The following TSC22D2 variants were observed in gnomAD, a reference collection of about 807,000 sequenced individuals.
TSC22D2 encodes TSC22 domain family member 2.
A neutral mutation model predicts 50.1 loss-of-function variants in TSC22D2; 5 were observed. The observed-to-expected ratio is 0.10, with a 90% CI of 0.05 to 0.21. The LOEUF (loss-of-function observed/expected upper bound fraction) is 0.21. Among genes scored for constraint, TSC22D2 ranks in the 10% least tolerant of loss-of-function variants. The pLI is 1.00. For missense variants in TSC22D2, 1,003 were observed against 1,015.5 expected, an observed-to-expected ratio of 0.99 and a Z score of 0.17; for synonymous variants, 501 against 450.1, an observed-to-expected ratio of 1.11 and a Z score of -1.43.
At chr3:150,455,315 T>C (rs934581711) in intron 1 of TSC22D2, among the ~76,000 whole-genome samples, 1 of 152,208 alleles carries the variant, frequency 6.6e-6, no homozygotes, top group Non-Finnish European at 1.5e-5. Flanking sequence ...TATAGTTACA[T>C]ATAGTCATAC....
intron 1 of TSC22D2, among the ~76,000 whole-genome samples, chr3:150,432,255 C>T (rs1463236867): frequency 1.3e-5 from 2 of 152,134 alleles, no homozygotes; most frequent in African/African-American, 4.8e-5. Context: ...TGTTTACCAC[C>T]TTCCTCTTTA....
chr3:150,429,851 G>A (rs1374481700), intron 1 of TSC22D2, among the ~76,000 whole-genome samples: 1 of 152,072 alleles, frequency 6.6e-6, no homozygotes, highest in East Asian at 1.9e-4. Flanking sequence ...CATCTTCAGT[G>A]GTCTTAGATC....
At chr3:150,452,064 ATTTT>A (rs1721056986) in intron 1 of TSC22D2, among the ~76,000 whole-genome samples, 1 of 152,000 alleles carries the variant, frequency 6.6e-6, no homozygotes, top group African/African-American at 2.4e-5. Context: ...CCCAGGCTGA[ATTTT>A]TTTATTTTAA....
rs145808061 is a variant in TSC22D2, at chr3:150,410,964, G to C, written c.1614G>C (p.Ser538=). 6.8e-4 allele frequency: 1,092 copies of C among 1,614,148 alleles called. 1 individual carries two copies. The highest frequency in any genetic ancestry group is 8.7e-4 in the Non-Finnish European group (1,030 of 1,180,040). ...MPNVPAPLAQ[S]QQLSSHTPVS... ...ATGTACCCGCGCCTCTGGCCCAGTC[G>C]CAACAGCTGAGCAGCCATACGCCAG... is the stretch of plus-strand genomic sequence containing the variant. The change falls in exon 1 of 3, where the codon TCG becomes TCC. Residue 538 remains serine (S), a synonymous_variant. Coordinates refer to ENST00000688009, the MANE Select transcript of TSC22D2 (RefSeq NM_001303264.2).
At position 150,463,896 on chromosome 3, in the gene TSC22D2, T is replaced by C. The variant is rs1280345050; in HGVS notation, c.*5260T>C. ...ATGGTGAGTGAGTTAGCTTTATTTT[T>C]CATTCTCAGCAGGGAAACTGATAGA... On this transcript the variant is annotated 3_prime_UTR_variant, in exon 3 of 3. Transcript: ENST00000688009. 1 of 152,226 alleles carries C rather than the reference T, an allele frequency of 6.6e-6. No homozygotes were observed. The highest frequency in any genetic ancestry group is 2.4e-5 in the African/African-American group (1 of 41,458). The allele number at this position is 152,226 out of a possible 1,614,324, so 9.4% of individuals were successfully genotyped here.
chr3:150,411,395 C>CGGAG (rs1719564007), intron 1 of TSC22D2, 87 bp downstream of exon 1: 2 of 1,368,966 alleles, frequency 1.5e-6, no homozygotes, highest in Admixed American at 4.6e-5. Flanking sequence ...TTGTTGTCAA[C>CGGAG]GGAGGCCCTT....
Position 150,409,302 on chromosome 3 carries a change from A to C in TSC22D2, c.-49A>C. On this transcript the variant is annotated 5_prime_UTR_variant, in exon 1 of 3. Coordinates refer to ENST00000688009, the MANE Select transcript of TSC22D2 (RefSeq NM_001303264.2). This position sits in a 1 kb window ranked among gnomAD's most constrained non-coding sequence, Gnocchi z 7.4. ...TGCTCTGCCCTCCCCGGTTTCCGAC[A>C]GGACCCAGAGGAGCCGGCGTGCCTC... 6.5e-7 allele frequency: 1 copy of C among 1,531,516 alleles called. No individual in the cohort carries two copies. The highest frequency in any genetic ancestry group is 8.8e-7 in the Non-Finnish European group (1 of 1,136,170). The allele number at this position is 1,531,516 out of a possible 1,614,324, so 94.9% of individuals were successfully genotyped here.
At chr3:150,430,807 G>C (rs1043475536) in intron 1 of TSC22D2, among the ~76,000 whole-genome samples, 5 of 151,818 alleles carry the variant, frequency 3.3e-5, no homozygotes, top group Non-Finnish European at 7.4e-5. Flanking sequence ...TTAGATAACA[G>C]AAGGAAGTCT....
rs1174223455 is a variant in TSC22D2, at chr3:150,465,421, G to C, written c.*6785G>C. The C allele has an allele frequency of 6.6e-6, 1 of 152,192 alleles. No individual in the cohort carries two copies. The highest frequency in any genetic ancestry group is 1.5e-5 in the Non-Finnish European group (1 of 68,024). 9.4% of individuals were successfully genotyped at this position (152,192 alleles called of 1,614,324 possible). ...GTGCATACAAATCAAAAGCTGGAAA[G>C]GGTGTGGAAAAACAGGAATACATTG... On this transcript the variant is annotated 3_prime_UTR_variant, in exon 3 of 3. Transcript: ENST00000688009.
In TSC22D2 at chr3:150,409,244, A is replaced by G. The variant is rs1419481018; in HGVS notation, c.-107A>G. 9 of 1,337,128 alleles carry G rather than the reference A, an allele frequency of 6.7e-6. No homozygotes were observed. The highest frequency in any genetic ancestry group is 8.0e-6 in the Non-Finnish European group (8 of 999,136). 82.8% of individuals were successfully genotyped at this position (1,337,128 alleles called of 1,614,324 possible). The stretch of plus-strand genomic sequence containing the variant: ...TTAACAGCGGCGGGCCTCAGACCCC[A>G]GCGCAGACTCGGACTTTGTCTTTGG... On this transcript the variant is annotated 5_prime_UTR_variant, in exon 1 of 3. Coordinates refer to ENST00000688009, the MANE Select transcript of TSC22D2 (RefSeq NM_001303264.2). The surrounding 1 kb of genome is among the most constrained non-coding windows in gnomAD (Gnocchi z 7.4).
intron 1 of TSC22D2, among the ~76,000 whole-genome samples, chr3:150,414,552 A>G (rs773273689): frequency 1.3e-5 from 2 of 152,076 alleles, no homozygotes; most frequent in African/African-American, 2.4e-5. Context: ...ACCTGATTCT[A>G]AGGATCCTTT....
intron 1 of TSC22D2, among the ~76,000 whole-genome samples, chr3:150,428,625 G>A (rs897045672): frequency 6.6e-6 from 1 of 151,474 alleles, no homozygotes; most frequent in Non-Finnish European, 1.5e-5. Flanking sequence ...TTAGATATGT[G>A]TGTTAATGGC....
At chr3:150,430,952 ACTC>A (rs1325266278) in intron 1 of TSC22D2, among the ~76,000 whole-genome samples, 4 of 152,194 alleles carry the variant, frequency 2.6e-5, no homozygotes, top group Non-Finnish European at 4.4e-5. Context: ...AGTACAAAGA[ACTC>A]AATCTTCTTA....
rs71138443 is a variant in TSC22D2 at position 150,431,224 on chromosome 3, C to CAAAAAAAAAA, written c.1958+19934_1958+19943dup. 2.5e-3 allele frequency among the ~76,000 whole-genome samples: 71 copies of CAAAAAAAAAA among 27,968 alleles called. 7 individuals carry two copies. The highest frequency in any genetic ancestry group is 0.011 in the African/African-American group (68 of 6,088). The allele number at this position is 27,968 out of a possible 152,430, so 18.3% of individuals were successfully genotyped here. On this transcript the variant is annotated intron_variant, in intron 1 of 2. Coordinates refer to ENST00000688009, the MANE Select transcript of TSC22D2 (RefSeq NM_001303264.2). Reference sequence around the variant, plus strand: ...TGGGTGACAGAGTGAGGCTCTGTCTCAAAAAAAAAAAAAAAAAAAAAAAAA... The same window carrying CAAAAAAAAAA: ...TGGGTGACAGAGTGAGGCTCTGTCTCAAAAAAAAAAAAAAAAAAAAAAAAAAAAAAAAAAA...
chr3:150,413,025 T>G (rs775561037), intron 1 of TSC22D2, among the ~76,000 whole-genome samples: 19 of 152,044 alleles, frequency 1.2e-4, no homozygotes, highest in Non-Finnish European at 2.6e-4. Context: ...CACCCGAGAA[T>G]GCAGATTACA....
chr3:150,450,678 A>C (rs922524886), intron 1 of TSC22D2, among the ~76,000 whole-genome samples: 3 of 152,118 alleles, frequency 2.0e-5, no homozygotes, highest in African/African-American at 7.2e-5. Flanking sequence ...TTGTTCTTAA[A>C]TTAAGCTGTA....
chr3:150,421,723 G>A (rs1720017057), intron 1 of TSC22D2, among the ~76,000 whole-genome samples: 1 of 151,884 alleles, frequency 6.6e-6, no homozygotes, highest in Non-Finnish European at 1.5e-5. Flanking sequence ...CAGACTTTAA[G>A]GCTCTTAATA....
At position 150,463,033 on chromosome 3, in the gene TSC22D2, G is replaced by A. The variant is rs146961858; in HGVS notation, c.*4397G>A. The A allele has an allele frequency of 2.6e-5, 4 of 152,326 alleles. No individual in the cohort carries two copies. Among genetic ancestry groups the A allele is most frequent in the Admixed American group, 6.5e-5 (1 of 15,292 alleles). 9.4% of individuals were successfully genotyped at this position (152,326 alleles called of 1,614,324 possible). A position where few individuals can be genotyped will look rare whatever the true frequency, so the allele number is the denominator to read the frequency against. ...TTTTCCTTCCAACAGTTATAAATCT[G>A]TGAAATGAAAGTCTTTGTTTCCTTA... On this transcript the variant is annotated 3_prime_UTR_variant, in exon 3 of 3. Transcript: ENST00000688009.
chr3:150,414,767 A>G (rs1156812674), intron 1 of TSC22D2, among the ~76,000 whole-genome samples: 1 of 151,848 alleles, frequency 6.6e-6, no homozygotes. Context: ...GATTAAGTAA[A>G]TGTATACCAG....
Sources: gnomAD v4.1 joint callset for allele counts (sites outside exome capture counted in the v4.1 genomes callset) on GRCh38, gnomAD v4.1.1 for gene constraint, Gnocchi (gnomAD v3.1) non-coding constraint, MANE v1.5 for transcripts, NCBI Gene and HGNC (gene_info 2026-07-23, HGNC 2026-07-21) for gene names.